ANK3: variants seen among roughly 807,000 people sequenced by gnomAD.
ANK3 encodes ankyrin 3, also known as ankyrin-3.
A neutral mutation model predicts 370.9 loss-of-function variants in ANK3; 57 were observed. That is an observed-to-expected ratio of 0.15 (90% CI 0.12 to 0.19). ANK3 has a LOEUF of 0.19. Ranked by LOEUF, ANK3 falls within the 10% of genes least tolerant of loss-of-function variation. The probability of loss-of-function intolerance (pLI) is 1.00; values close to 1 mark genes in which losing one functional copy is unlikely to be tolerated. For missense variants in ANK3, 4,439 were observed against 5,302.1 expected, an observed-to-expected ratio of 0.84 and a Z score of 5.06; for synonymous variants, 1,929 against 1,946.3, an observed-to-expected ratio of 0.99 and a Z score of 0.23.
chr10:60,556,662 T>A (rs1268562181), intron 2 of ANK3, among the ~76,000 whole-genome samples: 1 of 152,168 alleles, frequency 6.6e-6, no homozygotes, highest in East Asian at 1.9e-4. Flanking sequence ...AAAAGAGTAA[T>A]ATGTAATGTG....
intron 14 of ANK3, among the ~76,000 whole-genome samples, chr10:60,197,515 C>G (rs2096606055): frequency 6.6e-6 from 1 of 152,226 alleles, no homozygotes; most frequent in African/African-American, 2.4e-5. Context: ...ACCCATTATT[C>G]TGTTTCACAT....
Position 60,139,466 on chromosome 10 carries a change from A to C in ANK3, c.2615-379T>G, listed in dbSNP as rs187894048. The C allele has an allele frequency of 2.2e-3, 396 of 178,408 alleles. 2 individuals are homozygous for C. The highest frequency in any genetic ancestry group is 8.3e-3 in the African/African-American group (356 of 42,710). 11.1% of individuals were successfully genotyped at this position (178,408 alleles called of 1,614,324 possible). ...TTGTTTGAATGGACATGGATTACAA[A>C]ATAAGAACCACCTCTTCATTACTGT... On this transcript the variant is annotated intron_variant, in intron 23 of 43. Coordinates refer to ENST00000280772, the MANE Select transcript of ANK3 (RefSeq NM_020987.5).
rs374931259 is a variant in ANK3 at position 60,069,817 on chromosome 10, G to A, written c.11064C>T (p.Thr3688=). 3 of 1,614,002 alleles carry A rather than the reference G, an allele frequency of 1.9e-6. No individual in the cohort carries two copies. The African/African-American group carries it at 4.0e-5, about 22-fold the overall frequency. The part of the protein sequence containing the change: ...PTVEPNPSIP[T]SGECQEGTSS... ...ATGTGCCTTCCTGACACTCTCCGCTGGTCGGGATGCTGGGGTTAGGTTCCA... is the reference window on the plus strand; with the variant it reads ...ATGTGCCTTCCTGACACTCTCCGCTAGTCGGGATGCTGGGGTTAGGTTCCA... Residue 3688 remains threonine, a synonymous_variant, in exon 37 of 44, where the codon ACC becomes ACT. Coordinates refer to ENST00000280772, the MANE Select transcript of ANK3 (RefSeq NM_020987.5).
chr10:60,326,024 G>A (rs1379465538), intron 1 of ANK3, among the ~76,000 whole-genome samples: 1 of 152,060 alleles, frequency 6.6e-6, no homozygotes, highest in Non-Finnish European at 1.5e-5. Context: ...AACTAACACA[G>A]GAACAGAAAA....
Position 60,072,277 on chromosome 10 carries a change from T to C in ANK3, c.8604A>G (p.Glu2868=). 6 of 1,614,154 alleles carry C rather than the reference T, an allele frequency of 3.7e-6. No homozygotes were observed. The highest frequency in any genetic ancestry group is 1.7e-5 in the Admixed American group (1 of 60,012). ...CATGAACAAGTACATGCGAAAGTTT[T>C]TCTTTCTGAGACTTATTGTTAGTGG... The part of the protein sequence containing the change: ...SGATNNKSQK[E]KLSHVLVHDV... Residue 2868 remains glutamate, a synonymous_variant, in exon 37 of 44, where the codon GAA becomes GAG. Coordinates refer to ENST00000280772, the MANE Select transcript of ANK3 (RefSeq NM_020987.5).
chr10:60,367,056 C>A (rs1449924726), intron 1 of ANK3, among the ~76,000 whole-genome samples: 1 of 152,236 alleles, frequency 6.6e-6, no homozygotes, highest in East Asian at 1.9e-4. Context: ...AAGAGATTAA[C>A]CTTGTTAAAA....
chr10:60,049,216 G>A (rs1259042002), intron 42 of ANK3, among the ~76,000 whole-genome samples: 1 of 152,138 alleles, frequency 6.6e-6, no homozygotes, highest in Admixed American at 6.6e-5. Context: ...TGATCCTATT[G>A]TTTATACAAT....
At chr10:60,394,187 A>G (rs997985071), upstream of ANK3, among the ~76,000 whole-genome samples, 4 of 149,656 alleles carry the variant, frequency 2.7e-5, no homozygotes, top group African/African-American at 7.4e-5. Context: ...AGAGACCTAG[A>G]GCAGGTTTGG....
intron 1 of ANK3, among the ~76,000 whole-genome samples, chr10:60,646,413 A>G (rs1304647874): frequency 6.6e-6 from 1 of 152,190 alleles, no homozygotes; most frequent in Non-Finnish European, 1.5e-5. Flanking sequence ...AGAAAACCAG[A>G]TAAAAGACAA....
chr10:60,691,440 A>G (rs1310676534), intron 1 of ANK3, among the ~76,000 whole-genome samples: 1 of 152,226 alleles, frequency 6.6e-6, no homozygotes, highest in Non-Finnish European at 1.5e-5. Flanking sequence ...GAGGGTTATT[A>G]TGAGGATTAA....
intron 6 of ANK3, among the ~76,000 whole-genome samples, chr10:60,262,695 T>A (rs116515216): frequency 7.0e-4 from 107 of 152,334 alleles, no homozygotes; most frequent in African/African-American, 2.5e-3. Context: ...GGGTGGGTCA[T>A]ATTGACACCA....
chr10:60,359,039 T>C (rs1372524097), intron 1 of ANK3, among the ~76,000 whole-genome samples: 1 of 152,174 alleles, frequency 6.6e-6, no homozygotes, highest in African/African-American at 2.4e-5. Context: ...ATTGTTCACA[T>C]GTTGATTGTT....
At chr10:60,383,906 T>C (rs943369712) in intron 1 of ANK3, among the ~76,000 whole-genome samples, 5 of 152,162 alleles carry the variant, frequency 3.3e-5, no homozygotes, top group African/African-American at 4.8e-5. Flanking sequence ...AACAGTATAG[T>C]TCATGTCTTT....
chr10:60,036,210 AG>A (rs2074923147), intron 43 of ANK3, among the ~76,000 whole-genome samples: 1 of 152,158 alleles, frequency 6.6e-6, no homozygotes, highest in Non-Finnish European at 1.5e-5. Flanking sequence ...TCACATGCAG[AG>A]GATTTCAGAC....
At chr10:60,384,342 G>A (rs559012181) in intron 1 of ANK3, among the ~76,000 whole-genome samples, 1 of 152,144 alleles carries the variant, frequency 6.6e-6, no homozygotes, top group African/African-American at 2.4e-5. Context: ...ACTGCAGAGG[G>A]TAAGAAAAAC....
At chr10:60,280,804 T>C (rs969552818) in intron 1 of ANK3, among the ~76,000 whole-genome samples, 12 of 152,216 alleles carry the variant, frequency 7.9e-5, no homozygotes, top group Non-Finnish European at 8.8e-5. Flanking sequence ...AAAGGCTTTG[T>C]TCATGCCGCC....
chr10:60,483,050 T>C (rs2075264917), intron 2 of ANK3, among the ~76,000 whole-genome samples: 1 of 152,248 alleles, frequency 6.6e-6, no homozygotes, highest in Non-Finnish European at 1.5e-5. Context: ...TTCTGTTAGA[T>C]ACATTATCTT....
chr10:60,247,882 G>A (rs1313346397), intron 7 of ANK3, among the ~76,000 whole-genome samples: 1 of 152,108 alleles, frequency 6.6e-6, no homozygotes, highest in African/African-American at 2.4e-5. Context: ...GGCTAGGCAG[G>A]TGTTGAACTC....
intron 2 of ANK3, among the ~76,000 whole-genome samples, chr10:60,454,545 C>T (rs188719561): frequency 7.2e-5 from 11 of 152,102 alleles, no homozygotes; most frequent in South Asian, 4.2e-4. Context: ...AAGGCCAGGA[C>T]AGTCAGTTTA....
Sources: allele counts gnomAD v4.1 joint callset (sites outside exome capture counted in the v4.1 genomes callset), GRCh38; gene constraint gnomAD v4.1.1; transcripts MANE v1.5; gene names NCBI Gene and HGNC (gene_info 2026-07-23, HGNC 2026-07-21).